The following SRFBP1 variants were observed in gnomAD, a reference collection of about 807,000 sequenced individuals.
The protein encoded by SRFBP1 is serum response factor-binding protein 1.
A neutral mutation model predicts 45.5 loss-of-function variants in SRFBP1; 47 were observed. The ratio of observed to expected loss-of-function variants is 1.03; its 90% CI spans 0.82 to 1.32. The LOEUF (loss-of-function observed/expected upper bound fraction) is 1.32, where lower values mean the gene tolerates loss of function less well. SRFBP1 is among the 40% of genes most tolerant of loss of function. The probability of loss-of-function intolerance (pLI) is 0.00; values close to 1 mark genes in which losing one functional copy is unlikely to be tolerated. For synonymous variants in SRFBP1, 203 were observed against 166.3 expected (o/e 1.22, Z -1.70); for missense variants, 621 against 484.6 (o/e 1.28, Z -2.64).
At chr5:122,022,195 C>T (rs1487332973) in intron 6 of SRFBP1, among the ~76,000 whole-genome samples, 175 bp from the exon 7 acceptor site, 1 of 152,088 alleles carries the variant, frequency 6.6e-6, no homozygotes, top group Non-Finnish European at 1.5e-5. Context: ...TCTAACAAAC[C>T]TTTGTTTGAT....
At chr5:122,071,448 G>A (rs1224558936) in intron 2 of SRFBP1, among the ~76,000 whole-genome samples, 1 of 152,092 alleles carries the variant, frequency 6.6e-6, no homozygotes, top group African/African-American at 2.4e-5. Flanking sequence ...TGTTGAAGGG[G>A]TAAATGCATG....
chr5:122,035,744 A>G (rs1580538451), intron 2 of SRFBP1, among the ~76,000 whole-genome samples: 1 of 152,086 alleles, frequency 6.6e-6, no homozygotes, highest in East Asian at 1.9e-4. Context: ...TCAATTTGCC[A>G]TCTGTGTTTT....
intron 2 of SRFBP1, among the ~76,000 whole-genome samples, chr5:122,068,879 ATC>A (rs2152586328): frequency 6.6e-6 from 1 of 152,164 alleles, no homozygotes; most frequent in East Asian, 1.9e-4. Context: ...GAAAAAACTA[ATC>A]TGTTTATTTA....
intron 2 of SRFBP1, among the ~76,000 whole-genome samples, chr5:122,058,935 G>GA (rs1221423801): frequency 6.6e-6 from 1 of 152,090 alleles, no homozygotes; most frequent in Non-Finnish European, 1.5e-5. Context: ...TTCTGATGGG[G>GA]AAAATCCAAT....
intron 3 of SRFBP1, among the ~76,000 whole-genome samples, chr5:121,983,426 A>G (rs1752452819): frequency 6.6e-6 from 1 of 151,738 alleles, no homozygotes; most frequent in South Asian, 2.1e-4. Context: ...TGATGTTTTT[A>G]TTTGGCATAA....
At chr5:121,979,815 G>A (rs560505356) in intron 3 of SRFBP1, among the ~76,000 whole-genome samples, 5 of 152,182 alleles carry the variant, frequency 3.3e-5, no homozygotes, top group East Asian at 3.9e-4. Context: ...ATCAGAGAGC[G>A]TTTACATTTT....
chr5:121,970,245 C>G (rs1156789000), intron 1 of SRFBP1, among the ~76,000 whole-genome samples: 1 of 152,078 alleles, frequency 6.6e-6, no homozygotes, highest in Non-Finnish European at 1.5e-5. Context: ...CTTATCCATT[C>G]ATGGCAAACA....
At chr5:122,071,477 A>ACAT (rs1370237955) in intron 2 of SRFBP1, among the ~76,000 whole-genome samples, 7 of 152,204 alleles carry the variant, frequency 4.6e-5, no homozygotes, top group Non-Finnish European at 7.4e-5. Context: ...GATGAATGCC[A>ACAT]CATCACTCCA....
chr5:121,992,182 G>T (rs1024884259), intron 3 of SRFBP1, among the ~76,000 whole-genome samples: 4 of 152,068 alleles, frequency 2.6e-5, no homozygotes, highest in African/African-American at 9.7e-5. Flanking sequence ...TATTATTTCT[G>T]TAGACTTTCA....
chr5:122,040,078 C>T (rs559806806), intron 2 of SRFBP1, among the ~76,000 whole-genome samples: 2 of 152,044 alleles, frequency 1.3e-5, no homozygotes, highest in Non-Finnish European at 2.9e-5. Context: ...ATTCTTATAC[C>T]TTTTCTTTAC....
At chr5:122,043,476 A>G (rs184994598) in intron 2 of SRFBP1, among the ~76,000 whole-genome samples, 1 of 152,260 alleles carries the variant, frequency 6.6e-6, no homozygotes, top group Non-Finnish European at 1.5e-5. Flanking sequence ...TCAGCATCCC[A>G]AAGTGCTAGG....
intron 4 of SRFBP1, among the ~76,000 whole-genome samples, chr5:122,014,123 CA>C (rs1753148605): frequency 6.6e-6 from 1 of 152,026 alleles, no homozygotes; most frequent in Non-Finnish European, 1.5e-5. Flanking sequence ...ATGCATGTGT[CA>C]ATATCACTTT....
At chr5:121,995,960 C>G (rs1752718021) in intron 4 of SRFBP1, among the ~76,000 whole-genome samples, 1 of 152,032 alleles carries the variant, frequency 6.6e-6, no homozygotes, top group Non-Finnish European at 1.5e-5. Flanking sequence ...AAGACTAAAC[C>G]AGGAAGAAGT....
At chr5:122,040,925 T>A (rs1023958095) in intron 2 of SRFBP1, among the ~76,000 whole-genome samples, 1 of 152,172 alleles carries the variant, frequency 6.6e-6, no homozygotes, top group Non-Finnish European at 1.5e-5. Context: ...TTTTGCTTTT[T>A]CTTCTATGAC....
At chr5:121,998,473 C>T (rs889157141) in intron 4 of SRFBP1, among the ~76,000 whole-genome samples, 2 of 130,738 alleles carry the variant, frequency 1.5e-5, no homozygotes, top group Non-Finnish European at 3.1e-5. Flanking sequence ...AATGAGATCA[C>T]ATGGACACAG....
At chr5:122,077,933 A>C (rs776769725), downstream of SRFBP1, 1 of 1,500,468 alleles carries the variant, frequency 6.7e-7, no homozygotes, top group East Asian at 2.5e-5. The surrounding 1 kb of genome is among the most constrained non-coding windows in gnomAD (Gnocchi z 4.9). Context: ...GCAGTGCACT[A>C]GCGCGCAGAG....
chr5:121,994,028 A>G (rs1413768969), intron 3 of SRFBP1, among the ~76,000 whole-genome samples: 1 of 152,078 alleles, frequency 6.6e-6, no homozygotes, highest in East Asian at 1.9e-4. Context: ...GTACTTGAGA[A>G]GAAGATACAA....
downstream of SRFBP1, among the ~76,000 whole-genome samples, chr5:122,033,619 G>C (rs560550436): frequency 1.3e-5 from 2 of 151,314 alleles, no homozygotes; most frequent in African/African-American, 4.9e-5. Context: ...CTGTCACCAC[G>C]CCTGGTTTTT....
intron 4 of SRFBP1, among the ~76,000 whole-genome samples, chr5:121,998,640 A>G (rs1752786948): frequency 7.5e-6 from 1 of 133,456 alleles, no homozygotes; most frequent in African/African-American, 2.9e-5. Flanking sequence ...CAATGTGCAC[A>G]TGTACCCTAA....
Sources: allele counts gnomAD v4.1 joint callset (sites outside exome capture counted in the v4.1 genomes callset), GRCh38; gene constraint gnomAD v4.1.1; non-coding constraint Gnocchi (gnomAD v3.1); transcripts MANE v1.5; gene names NCBI Gene and HGNC (gene_info 2026-07-23, HGNC 2026-07-21).